Variants in LRRK2 observed in about 807,000 individuals in gnomAD.
The protein encoded by LRRK2 is leucine-rich repeat serine/threonine-protein kinase 2.
A neutral mutation model predicts 302.6 loss-of-function variants in LRRK2; 203 were observed. That is an observed-to-expected ratio of 0.67 (90% confidence interval 0.60 to 0.75). LRRK2 has a LOEUF of 0.75. Among genes scored for constraint, LRRK2 ranks in the 30% least tolerant of loss-of-function variants. The probability of loss-of-function intolerance (pLI) is 0.00; values close to 1 mark genes in which losing one functional copy is unlikely to be tolerated. For synonymous variants in LRRK2, 1,066 were observed against 1,031.9 expected, an observed-to-expected ratio of 1.03 and a Z score of -0.63; for missense variants, 2,830 against 2,951.0, an observed-to-expected ratio of 0.96 and a Z score of 0.95.
At chr12:40,334,915 G>A (rs748814569) in intron 39 of LRRK2, 52 bp from the exon 40 acceptor site, 295 of 1,592,566 alleles carry the variant, frequency 1.9e-4, no homozygotes, top group Non-Finnish European at 2.5e-4. Context: ...AAGGAGATAC[G>A]TGGGTAAAAC....
intron 24 of LRRK2, 129 bp downstream of exon 24, chr12:40,298,622 AT>A (rs769933182): frequency 3.8e-5 from 47 of 1,235,530 alleles, no homozygotes; most frequent in Non-Finnish European, 5.1e-5. Flanking sequence ...AAATACAAAA[AT>A]TAGCCCAGCG....
rs36024911 is a variant in LRRK2, at chr12:40,235,793, GTTTTTTT to G, written c.436+92_436+98del. 1.4e-3 allele frequency: 637 copies of G among 464,432 alleles called. 3 individuals are homozygous for G. The highest frequency in any genetic ancestry group is 0.013 in the African/African-American group (518 of 40,050). 28.8% of individuals were successfully genotyped at this position (464,432 alleles called of 1,614,324 possible). ...CCATTAAGTAAATGTGTGTGTGTGT[GTTTTTTT>G]TTTTTTTTTTTTGAAGATCAGGATT... On this transcript the variant is annotated intron_variant, in intron 4 of 50. Coordinates refer to ENST00000298910, the MANE Select transcript of LRRK2 (RefSeq NM_198578.4).
intron 14 of LRRK2, among the ~76,000 whole-genome samples, chr12:40,272,735 G>A (rs1303297059): frequency 6.6e-6 from 1 of 152,070 alleles, no homozygotes; most frequent in Non-Finnish European, 1.5e-5. Context: ...ACGATGTCAT[G>A]GAAATTAAGG....
intron 45 of LRRK2, among the ~76,000 whole-genome samples, chr12:40,354,949 C>T (rs1946481227): frequency 6.6e-6 from 1 of 151,964 alleles, no homozygotes; most frequent in African/African-American, 2.4e-5. Context: ...TTAATAAATT[C>T]TTAATAGGTG....
At chr12:40,364,212 G>A (rs1946804080) in intron 48 of LRRK2, among the ~76,000 whole-genome samples, 1 of 151,946 alleles carries the variant, frequency 6.6e-6, no homozygotes, top group African/African-American at 2.4e-5. Flanking sequence ...ATCTGTAAAA[G>A]GATACTTCAA....
chr12:40,353,305 A>C (rs1474208283), intron 44 of LRRK2, among the ~76,000 whole-genome samples: 2 of 113,766 alleles, frequency 1.8e-5, no homozygotes, highest in East Asian at 2.8e-4. Context: ...CACTTCTCAG[A>C]CAGGGCGGCC....
At chr12:40,234,994 C>T (rs969196820) in intron 3 of LRRK2, among the ~76,000 whole-genome samples, 12 of 151,558 alleles carry the variant, frequency 7.9e-5, no homozygotes, top group African/African-American at 2.9e-4. Context: ...ACATAATAGT[C>T]CCCTGTTGAT....
In LRRK2 at chr12:40,335,061, C is replaced by T; in HGVS notation, c.5852C>T (p.Ser1951Phe). 6.2e-7 allele frequency: 1 copy of T among 1,614,114 alleles called. No homozygotes were observed. The highest frequency in any genetic ancestry group is 1.1e-5 in the South Asian group (1 of 91,084). ...CGGATGTTGGTGATGGAGTTAGCCT[C>T]CAAGGGTTCCTTGGATCGCCTGCTT... The part of the protein sequence containing the change: ...RPRMLVMELA[S>F]KGSLDRLLQQ... The change falls in exon 40 of 51, where the codon TCC becomes TTC. Residue 1951 changes from serine (S) to phenylalanine (F), a missense_variant. By Grantham distance (155) the Ser-to-Phe change is radical. Transcript: ENST00000298910.
At position 40,277,985 on chromosome 12, in the gene LRRK2, C is replaced by T. The variant is rs755352609; in HGVS notation, c.2039C>T (p.Ser680Phe). The T allele has an allele frequency of 6.2e-7, 1 of 1,613,574 alleles. No individual in the cohort carries two copies. Among genetic ancestry groups the T allele is most frequent in the Non-Finnish European group, 8.5e-7 (1 of 1,179,900 alleles). The change falls in exon 17 of 51, where the codon TCT (serine) becomes TTT (phenylalanine). Residue 680 changes from serine (S) to phenylalanine (F), a missense_variant. Ser to Phe is a radical substitution (Grantham distance 155, BLOSUM62 -2). Coordinates refer to ENST00000298910, the MANE Select transcript of LRRK2 (RefSeq NM_198578.4). The stretch of plus-strand genomic sequence containing the variant: ...GACTTAGTAATATTCCATCAAATGT[C>T]TTCCAATATCATGGAACAAAAGGAT... ...SFDLVIFHQM[S>F]SNIMEQKDQQ...
intron 6 of LRRK2, among the ~76,000 whole-genome samples, chr12:40,243,039 G>C (rs1375724245): frequency 6.6e-6 from 1 of 150,440 alleles, no homozygotes; most frequent in African/African-American, 2.4e-5. Context: ...CAAGAAAACT[G>C]ACCAACAAGA....
chr12:40,295,999 G>A (rs1267015895), intron 23 of LRRK2, among the ~76,000 whole-genome samples: 1 of 152,194 alleles, frequency 6.6e-6, no homozygotes, highest in Admixed American at 6.5e-5. Flanking sequence ...TGGTTTGGTA[G>A]TACTGGCTCT....
intron 46 of LRRK2, among the ~76,000 whole-genome samples, chr12:40,358,721 C>T (rs971262850): frequency 2.1e-4 from 18 of 85,630 alleles, no homozygotes; most frequent in Admixed American, 5.9e-4. Context: ...TTCGGTTCCA[C>T]TCAAGTTTTA....
chr12:40,327,632 A>G (rs971449655), intron 38 of LRRK2, among the ~76,000 whole-genome samples: 1 of 152,204 alleles, frequency 6.6e-6, no homozygotes, highest in Non-Finnish European at 1.5e-5. Context: ...TCTGAACAGG[A>G]GAGTGACACA....
chr12:40,306,481 G>T (rs1355661629), intron 28 of LRRK2, among the ~76,000 whole-genome samples: 1 of 152,024 alleles, frequency 6.6e-6, no homozygotes, highest in Non-Finnish European at 1.5e-5. Flanking sequence ...ACTGTTTCTG[G>T]TCTTTACACT....
chr12:40,331,357 C>A (rs1002216634), intron 39 of LRRK2, among the ~76,000 whole-genome samples: 1 of 152,188 alleles, frequency 6.6e-6, no homozygotes, highest in African/African-American at 2.4e-5. Flanking sequence ...GGGCAGGGAT[C>A]ACTGCTGAGA....
chr12:40,278,963 A>T (rs747797400), intron 18 of LRRK2, among the ~76,000 whole-genome samples: 17 of 152,194 alleles, frequency 1.1e-4, no homozygotes, highest in Non-Finnish European at 2.5e-4. Flanking sequence ...TGAAAATAAC[A>T]GTGTACAGTG....
chr12:40,274,974 T>C lies in LRRK2; in HGVS notation c.1922T>C (p.Val641Ala), dbSNP rs1329679047. The part of the protein sequence containing the change: ...LVSSLYRFKD[V>A]AEIQTKGFQT... ...TCCAGCTTATACCGATTTAAGGATGTTGCTGAAATACAGACTAAAGTATGT... is the reference window on the plus strand; with the variant it reads ...TCCAGCTTATACCGATTTAAGGATGCTGCTGAAATACAGACTAAAGTATGT... Residue 641 changes from valine (V) to alanine (A), a missense_variant, in exon 16 of 51, where the codon GTT becomes GCT. Transcript: ENST00000298910. 4.3e-6 allele frequency: 7 copies of C among 1,613,876 alleles called. No individual in the cohort carries two copies. The highest frequency in any genetic ancestry group is 5.9e-6 in the Non-Finnish European group (7 of 1,179,922).
At chr12:40,225,710 T>A (rs546973780) in intron 2 of LRRK2, 70 bp downstream of exon 2, 1 of 1,357,474 alleles carries the variant, frequency 7.4e-7, no homozygotes, top group African/African-American at 1.4e-5. Flanking sequence ...CTGGCAATGT[T>A]AATATAGCCG....
chr12:40,310,676 G>C, intron 31 of LRRK2, 27 bp downstream of exon 31: 1 of 1,602,926 alleles, frequency 6.2e-7, no homozygotes, highest in Non-Finnish European at 8.5e-7. Context: ...GTAGAGAAAT[G>C]TAATTTATTG....
Sources: allele counts gnomAD v4.1 joint callset (sites outside exome capture counted in the v4.1 genomes callset), GRCh38; gene constraint gnomAD v4.1.1; transcripts MANE v1.5; gene names NCBI Gene and HGNC (gene_info 2026-07-23, HGNC 2026-07-21).